RBMS1: variants seen among roughly 807,000 people sequenced by gnomAD.
RBMS1 encodes RNA-binding motif, single-stranded-interacting protein 1.
RBMS1 carries 17 observed loss-of-function variants against 62.3 expected under a neutral mutation model. The ratio of observed to expected loss-of-function variants is 0.27; its 90% CI spans 0.19 to 0.41. RBMS1 has a LOEUF of 0.41. RBMS1 is among the 10% of genes least tolerant of loss of function. The pLI is 1.00. For missense variants in RBMS1, 334 were observed against 504.5 expected (o/e 0.66, Z 3.24); for synonymous variants, 172 against 170.0 (o/e 1.01, Z -0.09).
intron 1 of RBMS1, among the ~76,000 whole-genome samples, chr2:160,450,132 C>A (rs1301491373): frequency 6.6e-6 from 1 of 152,190 alleles, no homozygotes; most frequent in Non-Finnish European, 1.5e-5. Flanking sequence ...ACAACTGCCA[C>A]CTGCTGTATA....
At chr2:160,446,150 C>T (rs1381583869) in intron 1 of RBMS1, among the ~76,000 whole-genome samples, 1 of 152,184 alleles carries the variant, frequency 6.6e-6, no homozygotes, top group Non-Finnish European at 1.5e-5. Flanking sequence ...CACCTACCTT[C>T]AAAAAGTTTT....
At chr2:160,428,875 G>A (rs12623133) in intron 1 of RBMS1, among the ~76,000 whole-genome samples, 42,878 of 151,978 alleles carry the variant, frequency 0.28, 6,684 homozygotes, top group East Asian at 0.6. Context: ...CCTTTTGTAT[G>A]GCGTAATGGT....
chr2:160,339,493 G>A (rs1691750630), intron 2 of RBMS1, among the ~76,000 whole-genome samples: 1 of 152,108 alleles, frequency 6.6e-6, no homozygotes, highest in Non-Finnish European at 1.5e-5. Flanking sequence ...CATTTGTGGT[G>A]ATCTAAAAGT....
At chr2:160,479,020 G>A (rs1685254786) in intron 1 of RBMS1, among the ~76,000 whole-genome samples, 1 of 152,234 alleles carries the variant, frequency 6.6e-6, no homozygotes, top group African/African-American at 2.4e-5. Flanking sequence ...TCAACAGAGA[G>A]AGGTGGTGTT....
At chr2:160,297,490 G>C (rs977523079) in intron 6 of RBMS1, among the ~76,000 whole-genome samples, 1 of 152,200 alleles carries the variant, frequency 6.6e-6, no homozygotes, top group Non-Finnish European at 1.5e-5. Context: ...AAAAGTTGTG[G>C]TGGGCATGAA....
chr2:160,450,572 A>AC (rs1213088538), intron 1 of RBMS1, among the ~76,000 whole-genome samples: 1 of 150,014 alleles, frequency 6.7e-6, no homozygotes, highest in Non-Finnish European at 1.5e-5. Context: ...ATGAAAAAAA[A>AC]AAAAAAACAA....
rs1029275905 is a variant in RBMS1, at chr2:160,282,387, G to C, written c.901-1023C>G. The C allele has an allele frequency of 1.3e-5, 16 of 1,215,560 alleles. No individual in the cohort carries two copies. The African/African-American group carries it at 2.5e-4, about 19-fold the overall frequency. The allele number at this position is 1,215,560 out of a possible 1,614,324, so 75.3% of individuals were successfully genotyped here. On this transcript the variant is annotated intron_variant, in intron 9 of 13. Transcript: ENST00000348849. ...GTAGCCTTTCCCCATTGGGGTTGGTGGTTTCTTGCAGCTGCCAATTTCTCA... is the reference window on the plus strand; with the variant it reads ...GTAGCCTTTCCCCATTGGGGTTGGTCGTTTCTTGCAGCTGCCAATTTCTCA...
chr2:160,380,920 C>T (rs370025923), intron 1 of RBMS1, among the ~76,000 whole-genome samples: 6 of 152,202 alleles, frequency 3.9e-5, no homozygotes, highest in African/African-American at 1.2e-4. Context: ...GAAGAACTTC[C>T]ATCACAAAGC....
At chr2:160,482,975 T>C (rs893599660) in intron 1 of RBMS1, among the ~76,000 whole-genome samples, 3 of 151,954 alleles carry the variant, frequency 2.0e-5, no homozygotes, top group African/African-American at 4.8e-5. Context: ...TGCTGAAACA[T>C]GTATTTGAAT....
rs571784125 is a variant in RBMS1, at chr2:160,388,991, T to A, written c.76-21600A>T. Reference sequence around the variant, plus strand: ...GTGCTCATCTCACAAACTGTCTCCATCCTTACTTTAGTTGACGTGATTGTT... The same window carrying A: ...GTGCTCATCTCACAAACTGTCTCCAACCTTACTTTAGTTGACGTGATTGTT... On this transcript the variant is annotated intron_variant, in intron 1 of 13. Coordinates refer to ENST00000348849, the MANE Select transcript of RBMS1 (RefSeq NM_016836.4). 8.3e-4 allele frequency among the ~76,000 whole-genome samples: 127 copies of A among 152,354 alleles called. 1 individual carries two copies. Among genetic ancestry groups the A allele is most frequent in the African/African-American group, 2.9e-3 (122 of 41,588 alleles).
intron 2 of RBMS1, among the ~76,000 whole-genome samples, chr2:160,324,060 A>T (rs1441024392): frequency 6.6e-6 from 1 of 152,340 alleles, no homozygotes; most frequent in Admixed American, 6.5e-5. Context: ...AGTTACTCCT[A>T]AATTCTACCT....
intron 1 of RBMS1, among the ~76,000 whole-genome samples, chr2:160,388,130 T>C (rs1694679791): frequency 6.6e-6 from 1 of 152,224 alleles, no homozygotes. Context: ...CAGTTACTCA[T>C]AAGACTGTCA....
Position 160,463,452 on chromosome 2 carries a change from C to T in RBMS1, c.75+29837G>A, listed in dbSNP as rs757557260. 1.1e-4 allele frequency among the ~76,000 whole-genome samples: 16 copies of T among 152,136 alleles called. No individual in the cohort carries two copies. The East Asian group carries it at 1.2e-3, about 11-fold the overall frequency. ...GATTGTAATCAGGAGGGTGAGCCAC[C>T]GGCCCTTTCAGAATGAGACGCACTT... On this transcript the variant is annotated intron_variant, in intron 1 of 13. Coordinates refer to ENST00000348849, the MANE Select transcript of RBMS1 (RefSeq NM_016836.4).
At chr2:160,347,710 G>C (rs1175535626) in intron 2 of RBMS1, among the ~76,000 whole-genome samples, 1 of 151,990 alleles carries the variant, frequency 6.6e-6, no homozygotes, top group Non-Finnish European at 1.5e-5. Context: ...CATTTTTACT[G>C]ATCTCTAACA....
intron 1 of RBMS1, among the ~76,000 whole-genome samples, chr2:160,423,919 G>T (rs982552318): frequency 6.6e-6 from 1 of 152,054 alleles, no homozygotes; most frequent in African/African-American, 2.4e-5. Flanking sequence ...AACTCGTCCA[G>T]AGCATCCGGT....
chr2:160,357,662 G>A (rs1459300570), intron 2 of RBMS1, among the ~76,000 whole-genome samples: 4 of 152,088 alleles, frequency 2.6e-5, no homozygotes, highest in Admixed American at 2.0e-4. Context: ...AGGAGAGCAC[G>A]TTATGAAGCC....
At chr2:160,426,290 A>AAAAG (rs1483440283) in intron 1 of RBMS1, among the ~76,000 whole-genome samples, 1 of 66,956 alleles carries the variant, frequency 1.5e-5, no homozygotes, top group Admixed American at 1.8e-4. Flanking sequence ...AGAAAGAAAG[A>AAAAG]AAAGAAAGAA....
intron 1 of RBMS1, among the ~76,000 whole-genome samples, chr2:160,455,504 A>T (rs1684180954): frequency 6.6e-6 from 1 of 152,230 alleles, no homozygotes; most frequent in Admixed American, 6.5e-5. Context: ...TGCACACTTC[A>T]GTTTATTAAC....
Position 160,273,533 on chromosome 2 carries a change from A to G in RBMS1, c.*1239T>C, listed in dbSNP as rs1201294902. ...GAGAGAGAGAGAGAGCTAGTAGCCA[A>G]TCGTTTTGCTTCTATTCGTTATCTC... On this transcript the variant is annotated 3_prime_UTR_variant, in exon 14 of 14. Coordinates refer to ENST00000348849, the MANE Select transcript of RBMS1 (RefSeq NM_016836.4). 6.6e-6 allele frequency: 1 copy of G among 152,184 alleles called. No individual in the cohort carries two copies. Among genetic ancestry groups the G allele is most frequent in the African/African-American group, 2.4e-5 (1 of 41,436 alleles). 9.4% of individuals were successfully genotyped at this position (152,184 alleles called of 1,614,324 possible).
Sources: allele counts gnomAD v4.1 joint callset (sites outside exome capture counted in the v4.1 genomes callset), GRCh38; gene constraint gnomAD v4.1.1; transcripts MANE v1.5; gene names NCBI Gene and HGNC (gene_info 2026-07-23, HGNC 2026-07-21).